Variants in KMT2D observed in about 807,000 individuals in gnomAD.
KMT2D encodes the protein histone-lysine N-methyltransferase 2D.
In KMT2D, 55 loss-of-function variants were observed where a neutral mutation model predicts 512.7. That is an observed-to-expected ratio of 0.11 (90% CI 0.09 to 0.13). The LOEUF (loss-of-function observed/expected upper bound fraction) is 0.13, where lower values mean the gene tolerates loss of function less well. Among genes scored for constraint, KMT2D ranks in the 10% least tolerant of loss-of-function variants. KMT2D has a pLI of 1.00. For synonymous variants in KMT2D, 2,995 were observed against 2,904.0 expected (o/e 1.03, Z -1.01); for missense variants, 6,061 against 7,127.9 (o/e 0.85, Z 5.39).
Position 49,053,975 on chromosome 12 carries a change from C to T in KMT2D, c.673+3G>A, listed in dbSNP as rs773091405. The T allele has an allele frequency of 6.2e-7, 1 of 1,612,872 alleles. No individual in the cohort carries two copies. Among genetic ancestry groups the T allele is most frequent in the South Asian group, 1.1e-5 (1 of 90,960 alleles). Reference sequence around the variant, plus strand: ...CCTATGACCAAAGATCAGGACTTCTCACCCAGATATGCAGCCCCCTCACTG... The same window carrying T: ...CCTATGACCAAAGATCAGGACTTCTTACCCAGATATGCAGCCCCCTCACTG... On this transcript the variant is annotated splice_donor_region_variant and intron_variant, in intron 6 of 54. Transcript: ENST00000301067.
chr12:49,039,055 G>C lies in KMT2D; in HGVS notation c.8367-66C>G. ...AAAAGGAGCAAGAACATGGGCTTAGGGCAGTGAGGAAGGATAGAATTAATG... is the reference window on the plus strand; with the variant it reads ...AAAAGGAGCAAGAACATGGGCTTAGCGCAGTGAGGAAGGATAGAATTAATG... On this transcript the variant is annotated intron_variant, in intron 34 of 54. Transcript: ENST00000301067. The surrounding 1 kb of genome is among the most constrained non-coding windows in gnomAD (Gnocchi z 5.0). 2 of 1,524,296 alleles carry C rather than the reference G, an allele frequency of 1.3e-6. No homozygotes were observed. The highest frequency in any genetic ancestry group is 2.3e-5 in the South Asian group (2 of 85,344). 94.4% of individuals were successfully genotyped at this position (1,524,296 alleles called of 1,614,324 possible).
In KMT2D at chr12:49,041,601, T is replaced by G; in HGVS notation, c.6234+54A>C. ...AGGCAGGCCCCATGGCCCTCCACCC[T>G]CAAGAGAGGCCACCCACTAGAGGAC... On this transcript the variant is annotated intron_variant, in intron 31 of 54. Coordinates refer to ENST00000301067, the MANE Select transcript of KMT2D (RefSeq NM_003482.4). The surrounding 1 kb of genome is among the most constrained non-coding windows in gnomAD (Gnocchi z 5.4). 2 of 1,612,758 alleles carry G rather than the reference T, an allele frequency of 1.2e-6. No homozygotes were observed. Among genetic ancestry groups the G allele is most frequent in the South Asian group, 2.2e-5 (2 of 90,998 alleles).
Position 49,031,283 on chromosome 12 carries a change from G to A in KMT2D, c.13422C>T (p.Leu4474=), listed in dbSNP as rs1942896594. The change falls in exon 40 of 55, where the codon CTC becomes CTT. Residue 4474 remains leucine, a synonymous_variant. Coordinates refer to ENST00000301067, the MANE Select transcript of KMT2D (RefSeq NM_003482.4). ...QKLLRAKNVQ[L]STGRGSEGLR... ...GCCCCTCGGACCCCCGCCCAGTGCT[G>A]AGTTGCACATTCTTTGCCCGGAGTA... 1.2e-6 allele frequency: 2 copies of A among 1,613,516 alleles called. No homozygotes were observed. Among genetic ancestry groups the A allele is most frequent in the East Asian group, 4.5e-5 (2 of 44,878 alleles).
rs1942757257 is a variant in KMT2D at position 49,029,124 on chromosome 12, A to C, written c.14188T>G (p.Trp4730Gly). Residue 4730 changes from tryptophan (W) to glycine (G), a missense_variant, in exon 45 of 55, where the codon TGG becomes GGG. This residue lies in a region of KMT2D where 1,600 missense variants were observed against 1,754.9 expected (regional missense o/e 0.91). Coordinates refer to ENST00000301067, the MANE Select transcript of KMT2D (RefSeq NM_003482.4). The part of the protein sequence containing the change: ...PRFPHLGSGR[W>G]EQEDRALSPV... Reference sequence around the variant, plus strand: ...GAGAGGGCCCGGTCCTCTTGCTCCCACCGGCCTGAGCCCAGATGAGGGAAA... The same window carrying C: ...GAGAGGGCCCGGTCCTCTTGCTCCCCCCGGCCTGAGCCCAGATGAGGGAAA... The C allele has an allele frequency of 6.2e-7, 1 of 1,613,278 alleles. No homozygotes were observed. The highest frequency in any genetic ancestry group is 1.7e-5 in the Admixed American group (1 of 59,986).
intron 1 of KMT2D, among the ~76,000 whole-genome samples, chr12:49,058,258 G>C (rs891314371): frequency 6.6e-6 from 1 of 152,224 alleles, no homozygotes; most frequent in African/African-American, 2.4e-5. Context: ...TCCTACATAA[G>C]GAAGTTGTTT....
Position 49,032,684 on chromosome 12 carries a change from T to C in KMT2D, c.12021A>G (p.Gln4007=), listed in dbSNP as rs752339560. 3 of 1,613,618 alleles carry C rather than the reference T, an allele frequency of 1.9e-6. No homozygotes were observed. The highest frequency in any genetic ancestry group is 2.5e-6 in the Non-Finnish European group (3 of 1,179,752). ...CCAGGGCTCCAGGGCTAGAAAAGTG[T>C]TGAAGAGGCTTTGCTGGCATGCCAG... ...LGPGMPAKPL[Q]HFSSPGALGP... Residue 4007 remains glutamine (Q), a synonymous_variant, in exon 40 of 55, where the codon CAA becomes CAG. Coordinates refer to ENST00000301067, the MANE Select transcript of KMT2D (RefSeq NM_003482.4).
Position 49,030,350 on chromosome 12 carries a change from G to A in KMT2D, c.13929C>T (p.Thr4643=), listed in dbSNP as rs1942835265. 1 of 1,606,222 alleles carries A rather than the reference G, an allele frequency of 6.2e-7. No individual in the cohort carries two copies. The highest frequency in any genetic ancestry group is 1.3e-5 in the African/African-American group (1 of 74,662). The change falls in exon 43 of 55, where the codon ACC becomes ACT. Residue 4643 remains threonine, a synonymous_variant. Coordinates refer to ENST00000301067, the MANE Select transcript of KMT2D (RefSeq NM_003482.4). ...SVQQKMVNGV[T]PSEELGEHPK... ...GGTGCTCCCCCAGCTCTTCAGATGG[G>A]GTGACGCCATTCACCATCTTCTGCT...
At position 49,042,973 on chromosome 12, in the gene KMT2D, TC is replaced by T; in HGVS notation, c.5645-96del. 6.4e-7 allele frequency: 1 copy of T among 1,572,154 alleles called. No homozygotes were observed. The highest frequency in any genetic ancestry group is 8.7e-7 in the Non-Finnish European group (1 of 1,144,950). ...ATCATGGCCAGGAACAGTCCAGGAC[TC>T]CCCACCAGAGAAGCTGTACAGATCA... On this transcript the variant is annotated intron_variant, in intron 26 of 54. Transcript: ENST00000301067. This position sits in a 1 kb window ranked among gnomAD's most constrained non-coding sequence, Gnocchi z 4.4.
At position 49,032,242 on chromosome 12, in the gene KMT2D, G is replaced by T. The variant is rs200413503; in HGVS notation, c.12463C>A (p.Pro4155Thr). The change falls in exon 40 of 55, where the codon CCC (proline) becomes ACC (threonine). Residue 4155 changes from proline (P) to threonine (T), a missense_variant. Coordinates refer to ENST00000301067, the MANE Select transcript of KMT2D (RefSeq NM_003482.4). Reference protein sequence around the residue: ...PGSMTQNLLGPQQPMLERPMQ... With the variant: ...PGSMTQNLLGTQQPMLERPMQ... ...GGCCGCTCTAGCATGGGCTGTTGGG[G>T]GCCCAGAAGGTTCTGGGTCATGGAC... is the stretch of plus-strand genomic sequence containing the variant. 4.3e-5 allele frequency: 69 copies of T among 1,613,862 alleles called. No individual in the cohort carries two copies. Among genetic ancestry groups the T allele is most frequent in the Non-Finnish European group, 5.5e-5 (65 of 1,179,798 alleles).
chr12:49,041,378 G>A lies in KMT2D; in HGVS notation c.6392C>T (p.Thr2131Ile), dbSNP rs587778463. ...CGCAGAGGTAGACAAGCCGGCGGGG[G>A]TAGTGGGGCTGCCAATGAAAATGGT... ...APTIFIGSPT[T>I]PAGLSTSADG... The change falls in exon 32 of 55, where the codon ACC becomes ATC. Residue 2131 changes from threonine (T) to isoleucine (I), a missense_variant. Around this residue, in one of 16 missense-constraint regions of KMT2D, gnomAD observed 710 missense variants for 647.3 expected, o/e 1.10. Coordinates refer to ENST00000301067, the MANE Select transcript of KMT2D (RefSeq NM_003482.4). The surrounding 1 kb of genome is among the most constrained non-coding windows in gnomAD (Gnocchi z 5.4). The A allele has an allele frequency of 4.4e-6, 7 of 1,598,326 alleles. No individual in the cohort carries two copies. The highest frequency in any genetic ancestry group is 1.3e-5 in the African/African-American group (1 of 74,732).
chr12:49,043,365 G>C lies in KMT2D; in HGVS notation c.5531C>G (p.Pro1844Arg). The C allele has an allele frequency of 6.2e-7, 1 of 1,613,728 alleles. No homozygotes were observed. Among genetic ancestry groups the C allele is most frequent in the Non-Finnish European group, 8.5e-7 (1 of 1,179,684 alleles). Residue 1844 changes from proline to arginine, a missense_variant and splice_region_variant, in exon 25 of 55, where the codon CCA becomes CGA. Physicochemically the swap from Pro to Arg is moderately radical, Grantham distance 103. This residue lies in a region of KMT2D where 640 missense variants were observed against 814.3 expected (regional missense o/e 0.79). Coordinates refer to ENST00000301067, the MANE Select transcript of KMT2D (RefSeq NM_003482.4). ...SRGLEGKADT[P>R]GPEDGGVKAS... Reference sequence around the variant, plus strand: ...ACAGTAACCCCGGCAGCCCTCACCTGGTGTATCGGCTTTGCCCTCGAGGCC... The same window carrying C: ...ACAGTAACCCCGGCAGCCCTCACCTCGTGTATCGGCTTTGCCCTCGAGGCC...
chr12:49,038,546 G>A lies in KMT2D; in HGVS notation c.8810C>T (p.Pro2937Leu), dbSNP rs2120499879. 2 of 1,611,648 alleles carry A rather than the reference G, an allele frequency of 1.2e-6. No individual in the cohort carries two copies. The highest frequency in any genetic ancestry group is 3.3e-4 in the Middle Eastern group (2 of 6,054). The change falls in exon 35 of 55, where the codon CCA (proline) becomes CTA (leucine). Residue 2937 changes from proline (P) to leucine (L), a missense_variant. Pro to Leu is a moderately conservative substitution (Grantham distance 98). Transcript: ENST00000301067. This position sits in a 1 kb window ranked among gnomAD's most constrained non-coding sequence, Gnocchi z 5.7. Reference protein sequence around the residue: ...SGLPPQKPSAPPAPELNNSLH... With the variant: ...SGLPPQKPSALPAPELNNSLH... Reference sequence around the variant, plus strand: ...ACTGTTGTTCAATTCAGGGGCCGGTGGGGCTGAGGGTTTCTGTGGGGGAAG... The same window carrying A: ...ACTGTTGTTCAATTCAGGGGCCGGTAGGGCTGAGGGTTTCTGTGGGGGAAG...
rs2120641429 is a variant in KMT2D, at chr12:49,049,840, G to C, written c.3748C>G (p.Pro1250Ala). 6.2e-7 allele frequency: 1 copy of C among 1,613,944 alleles called. No homozygotes were observed. Among genetic ancestry groups the C allele is most frequent in the Non-Finnish European group, 8.5e-7 (1 of 1,179,882 alleles). ...MELGVSTDVSPARDEGSLRLC... is the reference protein window; with the variant it reads ...MELGVSTDVSAARDEGSLRLC... ...CGTAGGGAGCCCTCATCTCGGGCTG[G>C]ACTAACATCCGTAGAGACCCCCAAC... is the stretch of plus-strand genomic sequence containing the variant. Residue 1250 changes from proline to alanine, a missense_variant, in exon 12 of 55, where the codon CCA (proline) becomes GCA (alanine). Pro to Ala is a conservative substitution (Grantham distance 27, BLOSUM62 -1). This residue lies in a region of KMT2D where 447 missense variants were observed against 500.1 expected (regional missense o/e 0.89). Coordinates refer to ENST00000301067, the MANE Select transcript of KMT2D (RefSeq NM_003482.4).
Position 49,030,898 on chromosome 12 carries a change from T to C in KMT2D, c.13666A>G (p.Lys4556Glu), listed in dbSNP as rs1416468398. Reference protein sequence around the residue: ...RASEALLKQLKQELSLLPLTE... With the variant: ...RASEALLKQLEQELSLLPLTE... ...ACTGTCTCCTGGGGGGTCACCTGTT[T>C]CAGCTGTTTCAGCAAGGCCTCGCTG... Residue 4556 changes from lysine (K) to glutamate (E), a missense_variant, in exon 41 of 55, where the codon AAA becomes GAA. Physicochemically the swap from Lys to Glu is moderately conservative, Grantham distance 56. Transcript: ENST00000301067. 5.6e-6 allele frequency: 9 copies of C among 1,613,688 alleles called. No homozygotes were observed. Among genetic ancestry groups the C allele is most frequent in the Non-Finnish European group, 7.6e-6 (9 of 1,179,730 alleles).
rs376231146 is a variant in KMT2D, at chr12:49,046,147, G to C, written c.4611C>G (p.Leu1537=). ...CCTGCTCCACATCGTCCTCTGTGAA[G>C]AGGCTCTCACAGCCTGCATGCATCC... ...ERWMHAGCES[L]FTEDDVEQAA... Residue 1537 remains leucine, a synonymous_variant, in exon 18 of 55, where the codon CTC becomes CTG. Transcript: ENST00000301067. The surrounding 1 kb of genome is among the most constrained non-coding windows in gnomAD (Gnocchi z 4.2). 1.2e-6 allele frequency: 2 copies of C among 1,611,368 alleles called. No individual in the cohort carries two copies. The highest frequency in any genetic ancestry group is 1.3e-5 in the African/African-American group (1 of 74,868).
At chr12:49,025,754 C>T (rs1942545960) in intron 49 of KMT2D, among the ~76,000 whole-genome samples, 1 of 152,136 alleles carries the variant, frequency 6.6e-6, no homozygotes, top group South Asian at 2.1e-4. Flanking sequence ...GTTTGTGGCT[C>T]ACAGTACACA....
Position 49,022,382 on chromosome 12 carries a change from G to T in KMT2D, c.16339-29C>A, listed in dbSNP as rs1942372113. 2.5e-6 allele frequency: 4 copies of T among 1,592,012 alleles called. No individual in the cohort carries two copies. Among genetic ancestry groups the T allele is most frequent in the Non-Finnish European group, 3.4e-6 (4 of 1,168,028 alleles). On this transcript the variant is annotated intron_variant, in intron 52 of 54. Transcript: ENST00000301067. The surrounding 1 kb of genome is among the most constrained non-coding windows in gnomAD (Gnocchi z 8.6). ...GAAAGGCAGAGGTTGCAGAAGAAGG[G>T]ACAAGAGTATCAGAGAGTGGCAGTG...
rs1427665021 is a variant in KMT2D, at chr12:49,026,995, G to A, written c.14971C>T (p.Arg4991Trp). The stretch of plus-strand genomic sequence containing the variant: ...CCCTTCTGGATGGTCAGCAGCAGCC[G>A]AAGCCGCTTCCAGCGCACTCCTTTC... ...KWKGVRWKRL[R>W]LLLTIQKGSG... The change falls in exon 49 of 55, where the codon CGG becomes TGG. Residue 4991 changes from arginine to tryptophan, a missense_variant. Around this residue, in one of 16 missense-constraint regions of KMT2D, gnomAD observed 1,600 missense variants for 1,754.9 expected, o/e 0.91. Transcript: ENST00000301067. This position sits in a 1 kb window ranked among gnomAD's most constrained non-coding sequence, Gnocchi z 9.6. 2.5e-6 allele frequency: 4 copies of A among 1,613,918 alleles called. No homozygotes were observed. Among genetic ancestry groups the A allele is most frequent in the Non-Finnish European group, 2.5e-6 (3 of 1,179,910 alleles).
rs564266476 is a variant in KMT2D at position 49,021,324 on chromosome 12, G to C, written c.*456C>G. ...GGCAGGACCCGGCAGGCAGGGCCAGGTGTGGGACCCGGCCTTTGGGATTGT... is the reference window on the plus strand; with the variant it reads ...GGCAGGACCCGGCAGGCAGGGCCAGCTGTGGGACCCGGCCTTTGGGATTGT... On this transcript the variant is annotated 3_prime_UTR_variant, in exon 55 of 55. Transcript: ENST00000301067. 2.3e-4 allele frequency: 56 copies of C among 246,658 alleles called. No individual in the cohort carries two copies. Among genetic ancestry groups the C allele is most frequent in the Non-Finnish European group, 4.1e-4 (52 of 126,472 alleles). The allele number at this position is 246,658 out of a possible 1,614,324, so 15.3% of individuals were successfully genotyped here. A position where few individuals can be genotyped will look rare whatever the true frequency, so the allele number is the denominator to read the frequency against.
Sources: gnomAD v4.1 joint callset for allele counts (sites outside exome capture counted in the v4.1 genomes callset) on GRCh38, gnomAD v4.1.1 for gene constraint, gnomAD v4.1.1 regional missense constraint, Gnocchi (gnomAD v3.1) non-coding constraint, MANE v1.5 for transcripts, NCBI Gene and HGNC (gene_info 2026-07-23, HGNC 2026-07-21) for gene names.